RAD51B: variants seen among roughly 807,000 people sequenced by gnomAD.
RAD51B encodes the protein RAD51 paralog B.
Under a neutral mutation model 42.2 loss-of-function variants are expected in RAD51B, and 38 were observed. The ratio of observed to expected loss-of-function variants is 0.90; its 90% confidence interval spans 0.70 to 1.18. The LOEUF (loss-of-function observed/expected upper bound fraction) is 1.18, where lower values mean the gene tolerates loss of function less well. Among genes scored for constraint, RAD51B ranks in the 50% most tolerant of loss-of-function variants. RAD51B has a pLI of 0.00. For synonymous variants in RAD51B, 154 were observed against 145.2 expected, an observed-to-expected ratio of 1.06 and a Z score of -0.43; for missense variants, 373 against 400.7, an observed-to-expected ratio of 0.93 and a Z score of 0.59.
intron 9 of RAD51B, among the ~76,000 whole-genome samples, chr14:68,428,361 A>G (rs1431256514): frequency 1.3e-5 from 2 of 151,976 alleles, no homozygotes; most frequent in Admixed American, 1.3e-4. Context: ...TTTAATTTTT[A>G]CTTTTTATTG....
At chr14:68,660,035 A>C (rs990995386) in intron 11 of RAD51B, among the ~76,000 whole-genome samples, 5 of 152,212 alleles carry the variant, frequency 3.3e-5, no homozygotes, top group African/African-American at 1.2e-4. Context: ...AGTAGCTTTT[A>C]AACGAATAAG....
intron 9 of RAD51B, among the ~76,000 whole-genome samples, chr14:68,417,527 G>C (rs1566871341): frequency 1.3e-5 from 2 of 152,242 alleles, no homozygotes; most frequent in East Asian, 3.9e-4. Flanking sequence ...AAATAAAAGG[G>C]GAACCCAGAA....
intron 9 of RAD51B, among the ~76,000 whole-genome samples, chr14:68,454,875 G>C (rs543339373): frequency 6.6e-6 from 1 of 152,304 alleles, no homozygotes; most frequent in South Asian, 2.1e-4. Context: ...GCTACAGTGG[G>C]TTTTATAAAG....
intron 3 of RAD51B, among the ~76,000 whole-genome samples, chr14:67,828,916 A>G (rs1200484346): frequency 3.3e-5 from 5 of 152,144 alleles, no homozygotes; most frequent in African/African-American, 9.7e-5. Context: ...GTTGGATAGC[A>G]TGATGCCTGC....
At chr14:68,038,786 A>C (rs752186242) in intron 7 of RAD51B, among the ~76,000 whole-genome samples, 2 of 152,220 alleles carry the variant, frequency 1.3e-5, no homozygotes, top group Non-Finnish European at 2.9e-5. Flanking sequence ...GCCAGTTATC[A>C]GTAAAAATTA....
chr14:68,573,132 A>G (rs1438165804), intron 10 of RAD51B, among the ~76,000 whole-genome samples: 1 of 152,166 alleles, frequency 6.6e-6, no homozygotes, highest in Non-Finnish European at 1.5e-5. Context: ...AACTGTATGT[A>G]CAATGGATCA....
chr14:67,884,934 C>T (rs564474722), intron 5 of RAD51B, among the ~76,000 whole-genome samples: 213 of 152,250 alleles, frequency 1.4e-3, no homozygotes, highest in Non-Finnish European at 2.1e-3. Flanking sequence ...TTCCCAGCTT[C>T]TTCTCAGAAC....
downstream of RAD51B, among the ~76,000 whole-genome samples, chr14:68,481,797 A>G (rs1883198386): frequency 1.3e-5 from 2 of 152,222 alleles, no homozygotes; most frequent in South Asian, 4.1e-4. Flanking sequence ...TAAGTTCACT[A>G]AAGTACTCAG....
chr14:68,373,660 C>T (rs929949754), intron 8 of RAD51B, among the ~76,000 whole-genome samples: 3 of 152,144 alleles, frequency 2.0e-5, no homozygotes, highest in Non-Finnish European at 2.9e-5. Context: ...GGACAAATAC[C>T]TAATTCATGC....
intron 4 of RAD51B, among the ~76,000 whole-genome samples, chr14:67,847,175 A>G (rs1025306480): frequency 3.3e-5 from 5 of 151,868 alleles, no homozygotes; most frequent in Non-Finnish European, 7.4e-5. Context: ...CTTCCCTCCA[A>G]AGATCTCAGA....
chr14:68,124,052 T>A lies in RAD51B; in HGVS notation c.757-167832T>A, dbSNP rs571076084. Among the ~76,000 whole-genome samples the A allele has an allele frequency of 1.4e-4, 22 of 152,284 alleles. No individual in the cohort carries two copies. The South Asian group carries it at 4.6e-3, about 32-fold the overall frequency. ...GACCTAGGATGTGCTATTTAAATCA[T>A]CTGGCAAATTGATGTGTGGGGGAAT... On this transcript the variant is annotated intron_variant, in intron 7 of 10. Coordinates refer to ENST00000471583, the MANE Select transcript of RAD51B (RefSeq NM_133510.4).
At chr14:68,365,612 G>A (rs1018593297) in intron 8 of RAD51B, among the ~76,000 whole-genome samples, 1 of 152,178 alleles carries the variant, frequency 6.6e-6, no homozygotes, top group African/African-American at 2.4e-5. Flanking sequence ...TAACTTACCA[G>A]TGTGATCTAC....
intron 8 of RAD51B, among the ~76,000 whole-genome samples, chr14:68,340,270 C>G (rs1400382920): frequency 1.3e-5 from 2 of 152,152 alleles, no homozygotes; most frequent in Admixed American, 6.5e-5. Context: ...TTCAGAGAAC[C>G]TGCAGACAGG....
At chr14:67,923,676 G>T (rs865959434) in intron 7 of RAD51B, among the ~76,000 whole-genome samples, 5 of 152,156 alleles carry the variant, frequency 3.3e-5, no homozygotes, top group Non-Finnish European at 7.4e-5. Flanking sequence ...TGCAAATTGT[G>T]CTGCTGTAAA....
At chr14:68,494,557 G>A (rs985106409) in intron 10 of RAD51B, among the ~76,000 whole-genome samples, 5 of 152,144 alleles carry the variant, frequency 3.3e-5, no homozygotes, top group African/African-American at 9.7e-5. Context: ...TCAGTGAGGC[G>A]TCAGTCTAGA....
rs185368577 is a variant in RAD51B, at chr14:68,567,172, G to A, written c.1037-27313G>A. Among the ~76,000 whole-genome samples, 575 of 152,196 alleles carry A rather than the reference G, an allele frequency of 3.8e-3. 3 individuals are homozygous for A. Among genetic ancestry groups the A allele is most frequent in the South Asian group, 0.027 (130 of 4,822 alleles). Reference sequence around the variant, plus strand: ...AAATTAGCTGGGCGCAGTGGCAGGCGCCTGTAATCCTAGCTACTCGGGAGG... The same window carrying A: ...AAATTAGCTGGGCGCAGTGGCAGGCACCTGTAATCCTAGCTACTCGGGAGG... On this transcript the variant is annotated intron_variant, in intron 10 of 10. Transcript: ENST00000487270.
chr14:68,374,582 T>C (rs2083327881), intron 8 of RAD51B, among the ~76,000 whole-genome samples: 1 of 152,028 alleles, frequency 6.6e-6, no homozygotes, highest in South Asian at 2.1e-4. Flanking sequence ...TTTATAGCCC[T>C]AACCACTTAA....
chr14:68,037,725 C>G (rs950785891), intron 7 of RAD51B, among the ~76,000 whole-genome samples: 2 of 152,200 alleles, frequency 1.3e-5, no homozygotes, highest in East Asian at 1.9e-4. Context: ...GAACAGATCT[C>G]ACTGTATTTA....
At chr14:68,132,269 G>A (rs2140682176) in intron 7 of RAD51B, among the ~76,000 whole-genome samples, 1 of 152,208 alleles carries the variant, frequency 6.6e-6, no homozygotes, top group East Asian at 1.9e-4. Flanking sequence ...AAAGATTTGG[G>A]GTGCTATTAT....
Sources: allele counts gnomAD v4.1 joint callset (sites outside exome capture counted in the v4.1 genomes callset), GRCh38; gene constraint gnomAD v4.1.1; transcripts MANE v1.5; gene names NCBI Gene and HGNC (gene_info 2026-07-23, HGNC 2026-07-21).